CDH4: variants seen among roughly 807,000 people sequenced by gnomAD.
The protein encoded by CDH4 is cadherin 4.
CDH4 carries 33 observed loss-of-function variants against 86.0 expected under a neutral mutation model. That is an observed-to-expected ratio of 0.38 (90% confidence interval 0.29 to 0.51). CDH4 has a LOEUF of 0.51. Among genes scored for constraint, CDH4 ranks in the 20% least tolerant of loss-of-function variants. CDH4 has a pLI of 0.86. For missense variants in CDH4, 1,114 were observed against 1,307.4 expected, an observed-to-expected ratio of 0.85 and a Z score of 2.28; for synonymous variants, 555 against 549.4, an observed-to-expected ratio of 1.01 and a Z score of -0.14.
intron 2 of CDH4, chr20:61,717,576 A>T (rs1316063360): frequency 2.6e-5 from 4 of 151,910 alleles, no homozygotes; most frequent in African/African-American, 7.3e-5. Flanking sequence ...CAACCTCTGC[A>T]TCCTGGGTTC....
In CDH4 at chr20:61,686,434, TGC is replaced by T. The variant is rs766151419; in HGVS notation, c.170-57127_170-57126del. On this transcript the variant is annotated intron_variant, in intron 2 of 15. Coordinates refer to ENST00000614565, the MANE Select transcript of CDH4 (RefSeq NM_001794.5). ...GTGCCTGTACATTTGCGTGTGTATGTGCGTGTGCGTGTGCATTCGTGTGTGTG... is the reference window on the plus strand; with the variant it reads ...GTGCCTGTACATTTGCGTGTGTATGTGTGTGCGTGTGCATTCGTGTGTGTG... Among the ~76,000 whole-genome samples the T allele has an allele frequency of 1.2e-3, 180 of 149,330 alleles. 1 individual carries two copies. The highest frequency in any genetic ancestry group is 2.0e-3 in the Non-Finnish European group (137 of 67,346).
At chr20:61,447,847 C>T (rs190559816) in intron 2 of CDH4, among the ~76,000 whole-genome samples, 64 of 152,232 alleles carry the variant, frequency 4.2e-4, no homozygotes, top group African/African-American at 1.5e-3. Flanking sequence ...ATTATATCTT[C>T]ATTCCATAAC....
rs141500683 is a variant in CDH4 at position 61,291,881 on chromosome 20, C to G, written c.169+36944C>G. ...CGATACCCAATAGTTGTCTTTCCTG[C>G]TCCTCTCCCTCCTCCCACCCTCCCT... On this transcript the variant is annotated intron_variant, in intron 2 of 15. Coordinates refer to ENST00000614565, the MANE Select transcript of CDH4 (RefSeq NM_001794.5). Among the ~76,000 whole-genome samples, 879 of 152,304 alleles carry G rather than the reference C, an allele frequency of 5.8e-3. 3 individuals carry two copies. The highest frequency in any genetic ancestry group is 0.02 in the African/African-American group (828 of 41,558).
At chr20:61,286,523 G>A (rs1357095609) in intron 2 of CDH4, among the ~76,000 whole-genome samples, 2 of 152,234 alleles carry the variant, frequency 1.3e-5, no homozygotes, top group East Asian at 1.9e-4. Flanking sequence ...CAGTTCAGAA[G>A]TCAAGAGTAA....
At chr20:61,585,814 A>G (rs972998217) in intron 2 of CDH4, among the ~76,000 whole-genome samples, 5 of 138,622 alleles carry the variant, frequency 3.6e-5, no homozygotes, top group Non-Finnish European at 6.2e-5. Flanking sequence ...GTGGTCATGC[A>G]GAGGATGGTG....
chr20:61,605,858 G>A (rs1342259467), intron 2 of CDH4, among the ~76,000 whole-genome samples: 1 of 144,514 alleles, frequency 6.9e-6, no homozygotes, highest in Non-Finnish European at 1.5e-5. Flanking sequence ...GCAAAATTTT[G>A]TTCCCAGTAG....
At chr20:61,815,077 G>A (rs1980644559) in intron 4 of CDH4, among the ~76,000 whole-genome samples, 1 of 152,186 alleles carries the variant, frequency 6.6e-6, no homozygotes, top group African/African-American at 2.4e-5. Context: ...AGGATGCTAG[G>A]AAATTCTGCA....
At chr20:61,391,089 G>T (rs1311415473) in intron 2 of CDH4, among the ~76,000 whole-genome samples, 3 of 152,144 alleles carry the variant, frequency 2.0e-5, no homozygotes, top group African/African-American at 7.2e-5. Flanking sequence ...GTCCTGCATG[G>T]GGAATTTTGG....
chr20:61,375,806 A>G (rs1268749271), intron 2 of CDH4, among the ~76,000 whole-genome samples: 1 of 114,730 alleles, frequency 8.7e-6, no homozygotes, highest in Admixed American at 1.0e-4. Flanking sequence ...TGGTTTGTTG[A>G]TGGTAGTGTG....
At chr20:61,870,124 C>T (rs1983733193) in intron 6 of CDH4, among the ~76,000 whole-genome samples, 1 of 152,202 alleles carries the variant, frequency 6.6e-6, no homozygotes, top group Admixed American at 6.5e-5. Flanking sequence ...CTCGCTGTCC[C>T]TCCACCTCCC....
intron 2 of CDH4, among the ~76,000 whole-genome samples, chr20:61,411,566 G>A (rs959061568): frequency 5.3e-5 from 8 of 152,106 alleles, no homozygotes; most frequent in African/African-American, 1.9e-4. Flanking sequence ...ACGTGGTGCT[G>A]TCTGCTTCAG....
At chr20:61,437,898 A>G (rs2085293805) in intron 2 of CDH4, among the ~76,000 whole-genome samples, 1 of 152,192 alleles carries the variant, frequency 6.6e-6, no homozygotes, top group Non-Finnish European at 1.5e-5. Context: ...TTTTCCATCC[A>G]TCCAGGAATC....
intron 2 of CDH4, among the ~76,000 whole-genome samples, chr20:61,451,646 G>T (rs1057429927): frequency 3.0e-4 from 46 of 151,920 alleles, no homozygotes; most frequent in African/African-American, 1.1e-3. Context: ...AGCTGGGGTC[G>T]CCAAGGAAAA....
intron 2 of CDH4, among the ~76,000 whole-genome samples, chr20:61,410,339 C>CCAT (rs1240355982): frequency 2.6e-5 from 4 of 152,186 alleles, no homozygotes; most frequent in African/African-American, 9.7e-5. Flanking sequence ...TTCCATCTGT[C>CCAT]CATCATCTTC....
chr20:61,791,024 C>A (rs1198582459), intron 4 of CDH4, among the ~76,000 whole-genome samples: 1 of 152,240 alleles, frequency 6.6e-6, no homozygotes, highest in Non-Finnish European at 1.5e-5. Context: ...GGCCCCTAAG[C>A]CAGAACTCTG....
At chr20:61,647,662 T>C (rs2087079764) in intron 2 of CDH4, among the ~76,000 whole-genome samples, 1 of 149,010 alleles carries the variant, frequency 6.7e-6, no homozygotes, top group Non-Finnish European at 1.5e-5. Flanking sequence ...CTGATCCCCA[T>C]CTGGGAGGCT....
intron 2 of CDH4, among the ~76,000 whole-genome samples, chr20:61,560,375 C>A (rs2086207801): frequency 6.6e-6 from 1 of 152,224 alleles, no homozygotes; most frequent in Admixed American, 6.5e-5. Context: ...AAATATTCTT[C>A]TGGGCATGTG....
intron 2 of CDH4, among the ~76,000 whole-genome samples, chr20:61,688,329 T>C (rs2087611888): frequency 6.6e-6 from 1 of 151,844 alleles, no homozygotes; most frequent in East Asian, 1.9e-4. Flanking sequence ...TCCTCCCTCC[T>C]CTCTCCCCAT....
intron 2 of CDH4, among the ~76,000 whole-genome samples, chr20:61,354,529 G>A (rs547342166): frequency 6.6e-6 from 1 of 152,212 alleles, no homozygotes; most frequent in Admixed American, 6.5e-5. Flanking sequence ...ATAAATCAAA[G>A]ATGATAATTG....
Sources: allele counts gnomAD v4.1 joint callset (sites outside exome capture counted in the v4.1 genomes callset), GRCh38; gene constraint gnomAD v4.1.1; transcripts MANE v1.5; gene names NCBI Gene and HGNC (gene_info 2026-07-23, HGNC 2026-07-21).